EEPD1: variants seen among roughly 807,000 people sequenced by gnomAD.
EEPD1 encodes endonuclease/exonuclease/phosphatase family domain-containing protein 1.
A neutral mutation model predicts 46.3 loss-of-function variants in EEPD1; 17 were observed. The observed-to-expected ratio is 0.37, with a 90% CI of 0.25 to 0.55. EEPD1 has a LOEUF of 0.55. Among genes scored for constraint, EEPD1 ranks in the 20% least tolerant of loss-of-function variants. EEPD1 has a pLI of 0.83. For synonymous variants in EEPD1, 313 were observed against 315.6 expected (o/e 0.99, Z 0.09); for missense variants, 673 against 745.6 (o/e 0.90, Z 1.13).
intron 2 of EEPD1, among the ~76,000 whole-genome samples, chr7:36,234,499 C>T (rs999963880): frequency 1.3e-5 from 2 of 151,804 alleles, no homozygotes; most frequent in South Asian, 2.1e-4. Flanking sequence ...TGATGAAATC[C>T]CATCTCTACT....
chr7:36,190,563 G>A (rs1216556282), intron 2 of EEPD1, among the ~76,000 whole-genome samples: 1 of 152,210 alleles, frequency 6.6e-6, no homozygotes, highest in Non-Finnish European at 1.5e-5. Context: ...TTAGACATGG[G>A]CCACCATGCA....
intron 6 of EEPD1, among the ~76,000 whole-genome samples, chr7:36,291,030 C>T (rs890814134): frequency 1.3e-5 from 2 of 152,146 alleles, no homozygotes; most frequent in African/African-American, 2.4e-5. Flanking sequence ...AAAAGGGAAC[C>T]GTTGTCACTC....
chr7:36,191,717 A>G (rs1032405723), intron 2 of EEPD1, among the ~76,000 whole-genome samples: 1 of 152,220 alleles, frequency 6.6e-6, no homozygotes, highest in African/African-American at 2.4e-5. Flanking sequence ...AGGAGGTGCA[A>G]ATCTTCAGCA....
chr7:36,231,953 C>G (rs185377678), intron 2 of EEPD1, among the ~76,000 whole-genome samples: 1 of 152,108 alleles, frequency 6.6e-6, no homozygotes, highest in Admixed American at 6.5e-5. Context: ...AAAATCAGGA[C>G]AGTTATATAA....
At chr7:36,236,307 G>C (rs984171974) in intron 2 of EEPD1, among the ~76,000 whole-genome samples, 1 of 152,220 alleles carries the variant, frequency 6.6e-6, no homozygotes, top group African/African-American at 2.4e-5. Context: ...GGCGCGGGCG[G>C]AAGCGGCGCT....
intron 3 of EEPD1, among the ~76,000 whole-genome samples, chr7:36,271,111 C>T (rs1437514543): frequency 7.9e-5 from 12 of 152,022 alleles, no homozygotes; most frequent in Non-Finnish European, 1.0e-4. Context: ...CTCAGCCTCC[C>T]GAGTAGCTGG....
chr7:36,226,406 C>A (rs967124043), intron 2 of EEPD1, among the ~76,000 whole-genome samples: 4 of 152,212 alleles, frequency 2.6e-5, no homozygotes, highest in African/African-American at 9.7e-5. Flanking sequence ...TCTCTTCCCA[C>A]CTGCTGCTGA....
intron 2 of EEPD1, among the ~76,000 whole-genome samples, chr7:36,196,094 T>C (rs980015260): frequency 6.6e-6 from 1 of 152,202 alleles, no homozygotes; most frequent in African/African-American, 2.4e-5. Context: ...TTTACCTATC[T>C]AGCTAAACAT....
chr7:36,238,840 T>C lies in EEPD1; in HGVS notation c.879-145T>C, dbSNP rs1042728811. 5 of 679,890 alleles carry C rather than the reference T, an allele frequency of 7.4e-6. No individual in the cohort carries two copies. The African/African-American group carries it at 9.4e-5, about 13-fold the overall frequency. The allele number at this position is 679,890 out of a possible 1,614,324, so 42.1% of individuals were successfully genotyped here. A position where few individuals can be genotyped will look rare whatever the true frequency, so the allele number is the denominator to read the frequency against. ...ATACTTTCAAAACGGTCATTTTGAT[T>C]TAAATAAAAGGTCACCTTAAGATGG... On this transcript the variant is annotated intron_variant, in intron 2 of 7. Coordinates refer to ENST00000242108, the MANE Select transcript of EEPD1 (RefSeq NM_030636.3).
chr7:36,161,778 G>T (rs1222916090), intron 2 of EEPD1, among the ~76,000 whole-genome samples: 1 of 151,978 alleles, frequency 6.6e-6, no homozygotes, highest in Admixed American at 6.6e-5. Flanking sequence ...TTAGCTGAGT[G>T]GGGTAGTGCG....
rs539536730 is a variant in EEPD1 at position 36,242,921 on chromosome 7, T to A, written c.930+3885T>A. 4.7e-4 allele frequency among the ~76,000 whole-genome samples: 71 copies of A among 151,768 alleles called. 1 individual carries two copies. In the South Asian group the frequency reaches 0.014, roughly 31 times the overall value. On this transcript the variant is annotated intron_variant, in intron 3 of 7. Coordinates refer to ENST00000242108, the MANE Select transcript of EEPD1 (RefSeq NM_030636.3). ...TCCAGCCTGGGCAACAGAGTGAAAC[T>A]CTGTCTCAAAAAATAAAGGATTGGT...
At chr7:36,297,535 A>G (rs1315785900) in intron 7 of EEPD1, among the ~76,000 whole-genome samples, 2 of 152,248 alleles carry the variant, frequency 1.3e-5, no homozygotes, top group Non-Finnish European at 2.9e-5. Flanking sequence ...TACAGCAAGC[A>G]GATGTGTTCC....
chr7:36,235,514 C>T (rs2086978194), intron 2 of EEPD1, among the ~76,000 whole-genome samples: 1 of 152,264 alleles, frequency 6.6e-6, no homozygotes, highest in South Asian at 2.1e-4. Flanking sequence ...CTTGGCTGGG[C>T]CCGGCTCCCC....
At chr7:36,179,491 G>A (rs950105177) in intron 2 of EEPD1, among the ~76,000 whole-genome samples, 1 of 151,810 alleles carries the variant, frequency 6.6e-6, no homozygotes, top group Non-Finnish European at 1.5e-5. Flanking sequence ...GAGGCAAGGC[G>A]GGAGGATTGC....
At chr7:36,282,140 A>T (rs1787272255) in intron 4 of EEPD1, among the ~76,000 whole-genome samples, 1 of 152,224 alleles carries the variant, frequency 6.6e-6, no homozygotes, top group African/African-American at 2.4e-5. Context: ...GCACACATTC[A>T]GAGAAGGCTG....
In EEPD1 at chr7:36,268,175, G is replaced by A. The variant is rs185615569; in HGVS notation, c.931-12940G>A. ...GTTTTGTTGTTGTTGTTTTTGAGAC[G>A]GAGCCTTGCTCTGTCGCCCAGGCTG... On this transcript the variant is annotated intron_variant, in intron 3 of 7. Coordinates refer to ENST00000242108, the MANE Select transcript of EEPD1 (RefSeq NM_030636.3). 8.5e-5 allele frequency among the ~76,000 whole-genome samples: 13 copies of A among 152,152 alleles called. No individual in the cohort carries two copies. The East Asian group carries it at 2.3e-3, about 27-fold the overall frequency.
chr7:36,246,342 C>T (rs1448167448), intron 3 of EEPD1, among the ~76,000 whole-genome samples: 1 of 152,150 alleles, frequency 6.6e-6, no homozygotes, highest in Non-Finnish European at 1.5e-5. Context: ...CATAGGAGGC[C>T]AGGTACTGGC....
chr7:36,262,058 G>A (rs83311), intron 3 of EEPD1, among the ~76,000 whole-genome samples: 108,169 of 152,048 alleles, frequency 0.71, 38,792 homozygotes, highest in Non-Finnish European at 0.76. Context: ...ATTATCCAAA[G>A]CTCCCTTCTA....
At chr7:36,258,839 G>C (rs1053711280) in intron 3 of EEPD1, among the ~76,000 whole-genome samples, 3 of 151,268 alleles carry the variant, frequency 2.0e-5, no homozygotes, top group Non-Finnish European at 2.9e-5. Flanking sequence ...AACGGTGAAC[G>C]GTGAACAGTT....
Sources: allele counts gnomAD v4.1 joint callset (sites outside exome capture counted in the v4.1 genomes callset), GRCh38; gene constraint gnomAD v4.1.1; transcripts MANE v1.5; gene names NCBI Gene and HGNC (gene_info 2026-07-23, HGNC 2026-07-21).